The following CUL1 variants were observed in gnomAD, a reference collection of about 807,000 sequenced individuals.
CUL1 encodes the protein cullin-1.
A neutral mutation model predicts 118.0 loss-of-function variants in CUL1; 24 were observed. The ratio of observed to expected loss-of-function variants is 0.20; its 90% CI spans 0.15 to 0.29. The LOEUF (loss-of-function observed/expected upper bound fraction) is 0.29, where lower values mean the gene tolerates loss of function less well. CUL1 is among the 10% of genes least tolerant of loss of function. The pLI, the probability that CUL1 is intolerant of heterozygous loss-of-function variation, is 1.00. For synonymous variants in CUL1, 332 were observed against 340.4 expected, an observed-to-expected ratio of 0.98 and a Z score of 0.27; for missense variants, 361 against 933.8, an observed-to-expected ratio of 0.39 and a Z score of 7.99.
chr7:148,790,193 CTTTTATGTAA>C, intron 15 of CUL1, 107 bp from the exon 16 acceptor site: 1 of 1,010,856 alleles, frequency 9.9e-7, no homozygotes, highest in Non-Finnish European at 1.5e-6. Context: ...TTGTATTTTA[CTTTTATGTAA>C]GCACTGACTT....
chr7:148,756,966 A>T lies in CUL1; in HGVS notation c.316-17A>T. 1 of 1,550,336 alleles carries T rather than the reference A, an allele frequency of 6.5e-7. No individual in the cohort carries two copies. The highest frequency in any genetic ancestry group is 1.2e-5 in the South Asian group (1 of 81,238). On this transcript the variant is annotated splice_polypyrimidine_tract_variant and intron_variant, in intron 3 of 21. Coordinates refer to ENST00000325222, the MANE Select transcript of CUL1 (RefSeq NM_003592.3). ...GACAAATTAGTCATCTTAAAGCTTT[A>T]GTTAACTTGTTTTTAGGATGGAGAA... is the stretch of plus-strand genomic sequence containing the variant.
At chr7:148,757,481 C>G (rs148194212) in intron 4 of CUL1, among the ~76,000 whole-genome samples, 75 of 152,324 alleles carry the variant, frequency 4.9e-4, no homozygotes, top group African/African-American at 1.7e-3. Context: ...TAGTCCCAGG[C>G]AAATCAGGTG....
intron 1 of CUL1, among the ~76,000 whole-genome samples, chr7:148,711,259 G>GT (rs1798041188): frequency 6.6e-6 from 1 of 152,186 alleles, no homozygotes; most frequent in Admixed American, 6.5e-5. Flanking sequence ...AGTACTTGAT[G>GT]TTGTAATAGC....
chr7:148,743,544 A>T (rs147600493), intron 2 of CUL1, among the ~76,000 whole-genome samples: 2,368 of 152,252 alleles, frequency 0.016, 51 homozygotes, highest in African/African-American at 0.053. Context: ...AGTTGCTGAG[A>T]GGAATGTTGA....
chr7:148,703,938 A>G (rs1797800964), intron 1 of CUL1, among the ~76,000 whole-genome samples: 1 of 152,338 alleles, frequency 6.6e-6, no homozygotes, highest in East Asian at 1.9e-4. Context: ...AAGTAACAGC[A>G]TGGCGATCTC....
In CUL1 at chr7:148,790,299, CT is replaced by C; in HGVS notation, c.1675-7del. ...GATCTGTATTCCATATAATGCTGTCCTTTTATCTAGTTGGAACGTAGTTATC... is the reference window on the plus strand; with the variant it reads ...GATCTGTATTCCATATAATGCTGTCCTTTATCTAGTTGGAACGTAGTTATC... On this transcript the variant is annotated splice_polypyrimidine_tract_variant and intron_variant, in intron 15 of 21. Coordinates refer to ENST00000325222, the MANE Select transcript of CUL1 (RefSeq NM_003592.3). 1 of 1,613,954 alleles carries C rather than the reference CT, an allele frequency of 6.2e-7. No individual in the cohort carries two copies. Among genetic ancestry groups the C allele is most frequent in the South Asian group, 1.1e-5 (1 of 91,066 alleles).
In CUL1 at chr7:148,784,026, G is replaced by C; in HGVS notation, c.1247G>C (p.Ser416Thr). The C allele has an allele frequency of 6.2e-7, 1 of 1,614,152 alleles. No individual in the cohort carries two copies. The highest frequency in any genetic ancestry group is 8.5e-7 in the Non-Finnish European group (1 of 1,180,022). The change falls in exon 11 of 22, where the codon AGT becomes ACT. Residue 416 changes from serine (S) to threonine (T), a missense_variant. Physicochemically the swap from Ser to Thr is moderately conservative, Grantham distance 58 (BLOSUM62 1). Coordinates refer to ENST00000325222, the MANE Select transcript of CUL1 (RefSeq NM_003592.3). The part of the protein sequence containing the change: ...NAVTKMAQSS[S>T]KSPELLARYC... ...GTTACCAAGATGGCCCAATCATCCA[G>C]TAAATCCCCTGAGTTGCTGGCTCGA...
chr7:148,726,752 T>A (rs905086431), intron 1 of CUL1, among the ~76,000 whole-genome samples: 1 of 151,944 alleles, frequency 6.6e-6, no homozygotes, highest in African/African-American at 2.4e-5. Context: ...TGCCAGTGAT[T>A]GTATTTGGCT....
intron 16 of CUL1, among the ~76,000 whole-genome samples, chr7:148,791,872 C>G (rs1019218): frequency 6.6e-6 from 1 of 152,148 alleles, no homozygotes; most frequent in Non-Finnish European, 1.5e-5. Context: ...AATCAGGAAC[C>G]AACACGTGCT....
intron 2 of CUL1, among the ~76,000 whole-genome samples, chr7:148,745,634 T>A (rs1175296725): frequency 6.6e-6 from 1 of 152,188 alleles, no homozygotes; most frequent in Non-Finnish European, 1.5e-5. Context: ...GAAGATGGAC[T>A]GGAGGTAGGG....
chr7:148,747,016 T>C (rs11768681), intron 2 of CUL1, among the ~76,000 whole-genome samples: 11,465 of 152,298 alleles, frequency 0.075, 612 homozygotes, highest in African/African-American at 0.14. Flanking sequence ...GCTAGCTAAG[T>C]ATTTGTACAT....
chr7:148,719,160 A>T (rs1165055343), intron 1 of CUL1, among the ~76,000 whole-genome samples: 1 of 152,048 alleles, frequency 6.6e-6, no homozygotes, highest in African/African-American at 2.4e-5. Flanking sequence ...AAATACAAAA[A>T]ATTAGCCAGG....
chr7:148,708,068 A>T (rs1669401678), intron 1 of CUL1, among the ~76,000 whole-genome samples: 1 of 152,180 alleles, frequency 6.6e-6, no homozygotes, highest in Non-Finnish European at 1.5e-5. Context: ...TTGCTGTTCC[A>T]GTTCATCTTA....
intron 2 of CUL1, among the ~76,000 whole-genome samples, chr7:148,736,574 G>GT (rs1798951124): frequency 6.6e-6 from 1 of 152,148 alleles, no homozygotes; most frequent in Non-Finnish European, 1.5e-5. Flanking sequence ...AAGTTGTGGG[G>GT]TTATAGGCAT....
chr7:148,726,673 T>G (rs770662541), intron 1 of CUL1, among the ~76,000 whole-genome samples: 2 of 152,114 alleles, frequency 1.3e-5, no homozygotes, highest in Non-Finnish European at 2.9e-5. Flanking sequence ...CAAGTTTGAT[T>G]GCTTCTTTGA....
rs1563169171 is a variant in CUL1 at position 148,786,979 on chromosome 7, G to A, written c.1348-10G>A. On this transcript the variant is annotated splice_polypyrimidine_tract_variant and intron_variant, in intron 12 of 21. Coordinates refer to ENST00000325222, the MANE Select transcript of CUL1 (RefSeq NM_003592.3). ...GCTGGTTAAGTGTGTTGTCTCGGTGGCTTTGCCAGATGGTTGTCTTCAAGT... is the reference window on the plus strand; with the variant it reads ...GCTGGTTAAGTGTGTTGTCTCGGTGACTTTGCCAGATGGTTGTCTTCAAGT... 6.2e-7 allele frequency: 1 copy of A among 1,602,652 alleles called. No homozygotes were observed. Among genetic ancestry groups the A allele is most frequent in the Non-Finnish European group, 8.5e-7 (1 of 1,177,744 alleles).
chr7:148,799,628 G>A (rs796238802), intron 21 of CUL1, among the ~76,000 whole-genome samples: 1 of 152,166 alleles, frequency 6.6e-6, no homozygotes, highest in East Asian at 1.9e-4. Flanking sequence ...CAGCACCCAG[G>A]TAAGAATTGA....
intron 17 of CUL1, among the ~76,000 whole-genome samples, chr7:148,794,943 C>T (rs891309940): frequency 1.3e-5 from 2 of 151,990 alleles, no homozygotes; most frequent in Non-Finnish European, 2.9e-5. Context: ...GCAATTCTCC[C>T]ACCTCAGCCT....
chr7:148,770,135 G>T (rs1482459258), intron 9 of CUL1, among the ~76,000 whole-genome samples: 1 of 152,192 alleles, frequency 6.6e-6, no homozygotes, highest in Non-Finnish European at 1.5e-5. Flanking sequence ...TAAAGCAAAA[G>T]TATACCTTCT....
Sources: allele counts gnomAD v4.1 joint callset (sites outside exome capture counted in the v4.1 genomes callset), GRCh38; gene constraint gnomAD v4.1.1; transcripts MANE v1.5; gene names NCBI Gene and HGNC (gene_info 2026-07-23, HGNC 2026-07-21).